Variants in KREMEN1 observed in about 807,000 individuals in gnomAD.
KREMEN1 encodes the protein kremen protein 1.
A neutral mutation model predicts 46.5 loss-of-function variants in KREMEN1; 30 were observed. The observed-to-expected ratio is 0.65, with a 90% CI of 0.48 to 0.88. The LOEUF (loss-of-function observed/expected upper bound fraction) is 0.88, where lower values mean the gene tolerates loss of function less well. Ranked by LOEUF, KREMEN1 falls within the 40% of genes least tolerant of loss-of-function variation. KREMEN1 has a pLI of 0.00. For synonymous variants in KREMEN1, 214 were observed against 230.6 expected (o/e 0.93, Z 0.65); for missense variants, 533 against 596.9 (o/e 0.89, Z 1.11).
At chr22:29,123,388 G>A (rs934095380) in intron 4 of KREMEN1, among the ~76,000 whole-genome samples, 1 of 148,004 alleles carries the variant, frequency 6.8e-6, no homozygotes, top group Admixed American at 6.7e-5. Flanking sequence ...TAAAAAAACT[G>A]AACAAAGCAA....
intron 7 of KREMEN1, 175 bp downstream of exon 7, chr22:29,138,957 T>A: frequency 1.1e-6 from 1 of 933,232 alleles, no homozygotes. Context: ...TCTTATTAGC[T>A]TGGTTCCTTA....
At chr22:29,116,813 C>G (rs558697545) in intron 3 of KREMEN1, among the ~76,000 whole-genome samples, 3 of 152,312 alleles carry the variant, frequency 2.0e-5, no homozygotes, top group Admixed American at 2.0e-4. Context: ...ATCATATGCT[C>G]TTGACCAGAG....
At chr22:29,113,022 T>C (rs1448435210) in intron 3 of KREMEN1, among the ~76,000 whole-genome samples, 1 of 152,210 alleles carries the variant, frequency 6.6e-6, no homozygotes, top group African/African-American at 2.4e-5. Flanking sequence ...GTTGAGGGAC[T>C]AATGTGTTTG....
At chr22:29,133,840 T>C (rs1264667232) in intron 5 of KREMEN1, among the ~76,000 whole-genome samples, 3 of 152,236 alleles carry the variant, frequency 2.0e-5, no homozygotes, top group East Asian at 1.9e-4. Context: ...ATTACACGTA[T>C]GTTAGACTAT....
intron 5 of KREMEN1, among the ~76,000 whole-genome samples, chr22:29,135,659 G>A (rs149401453): frequency 3.2e-4 from 48 of 152,298 alleles, no homozygotes; most frequent in East Asian, 1.9e-3. Context: ...CAAAATGCCC[G>A]TTGTGTCTGG....
chr22:29,138,716 GCCCGGT>G lies in KREMEN1; in HGVS notation c.1060_1065del (p.Arg354_Ser355del). ...GCAGGCCAACCTCAGTGTCAGCGCT[GCCCGGT>G]CCTCCAAAGTCCTCTATGTCATCAC... On this transcript the variant is annotated inframe_deletion, in exon 7 of 9. Transcript: ENST00000400335. 6.2e-7 allele frequency: 1 copy of G among 1,614,216 alleles called. No individual in the cohort carries two copies.
chr22:29,151,416 A>G (rs1396936977), downstream of KREMEN1, among the ~76,000 whole-genome samples: 1 of 152,198 alleles, frequency 6.6e-6, no homozygotes, highest in Non-Finnish European at 1.5e-5. Flanking sequence ...AATACTAAAC[A>G]TTTTAGACTT....
chr22:29,167,222 G>A lies in KREMEN1; in HGVS notation c.*116G>A. 5 of 861,340 alleles carry A rather than the reference G, an allele frequency of 5.8e-6. No individual in the cohort carries two copies. In the South Asian group the frequency reaches 7.4e-5, roughly 13 times the overall value. The allele number at this position is 861,340 out of a possible 1,614,324, so 53.4% of individuals were successfully genotyped here. On this transcript the variant is annotated 3_prime_UTR_variant, in exon 10 of 10. Transcript: ENST00000327813. Reference sequence around the variant, plus strand: ...TGGTGGGCTCTCTCTGGCCCAGCGTGGTGGTTCATGCCTGTAATACCAGCG... The same window carrying A: ...TGGTGGGCTCTCTCTGGCCCAGCGTAGTGGTTCATGCCTGTAATACCAGCG...
At chr22:29,098,185 CAAA>C (rs11366831) in intron 2 of KREMEN1, among the ~76,000 whole-genome samples, 3 of 134,244 alleles carry the variant, frequency 2.2e-5, no homozygotes, top group Non-Finnish European at 4.9e-5. Context: ...GAGTTTGTCT[CAAA>C]AAAAAAAAAG....
chr22:29,140,453 T>G, intron 8 of KREMEN1, 87 bp downstream of exon 8: 1 of 998,494 alleles, frequency 1.0e-6, no homozygotes, highest in Non-Finnish European at 1.6e-6. Context: ...TGGTTACAAC[T>G]GTAGAATAAG....
chr22:29,146,134 G>A lies in KREMEN1; in HGVS notation c.*4022G>A, dbSNP rs193134750. On this transcript the variant is annotated 3_prime_UTR_variant, in exon 9 of 9. Transcript: ENST00000400335. ...CACACCCCACCACCTGGCACCGTTA[G>A]GTTTCAGATCTCCCGTGTGGTGTTT... is the stretch of plus-strand genomic sequence containing the variant. 3.0e-6 allele frequency: 3 copies of A among 985,930 alleles called. No individual in the cohort carries two copies. In the Admixed American group the frequency reaches 1.8e-4, roughly 61 times the overall value. 61.1% of individuals were successfully genotyped at this position (985,930 alleles called of 1,614,324 possible).
intron 3 of KREMEN1, 43 bp downstream of exon 3, chr22:29,098,996 A>G (rs1465378714): frequency 6.9e-7 from 1 of 1,442,772 alleles, no homozygotes; most frequent in Admixed American, 1.7e-5. Context: ...AGGACTGTGA[A>G]CACTAAGAGT....
At chr22:29,082,361 T>A (rs1223075305) in intron 1 of KREMEN1, among the ~76,000 whole-genome samples, 1 of 152,170 alleles carries the variant, frequency 6.6e-6, no homozygotes, top group Non-Finnish European at 1.5e-5. Flanking sequence ...CCAGCCCCCA[T>A]CCATTTCCTT....
At chr22:29,163,641 T>C (rs962120340) in intron 9 of KREMEN1, among the ~76,000 whole-genome samples, 1 of 151,092 alleles carries the variant, frequency 6.6e-6, no homozygotes, top group African/African-American at 2.4e-5. Context: ...CCTCCCGAAG[T>C]GCTGGGATTA....
At chr22:29,106,078 G>A (rs2038054716) in intron 3 of KREMEN1, among the ~76,000 whole-genome samples, 3 of 152,342 alleles carry the variant, frequency 2.0e-5, no homozygotes, top group Middle Eastern at 3.4e-3. Flanking sequence ...GGCAGTGGTG[G>A]TCAAGGCAGT....
intron 1 of KREMEN1, among the ~76,000 whole-genome samples, chr22:29,088,737 C>G (rs2037766448): frequency 6.6e-6 from 1 of 152,154 alleles, no homozygotes; most frequent in South Asian, 2.1e-4. Context: ...TGAATACCTA[C>G]TATGTACCGA....
chr22:29,144,928 T>C lies in KREMEN1; in HGVS notation c.*2816T>C. On this transcript the variant is annotated 3_prime_UTR_variant, in exon 9 of 9. Coordinates refer to ENST00000400335, the MANE Select transcript of KREMEN1 (RefSeq NM_001039570.3). The stretch of plus-strand genomic sequence containing the variant: ...ATGCCCCAGCGCTTCTCTTCCTGCC[T>C]CGCCCTGGCATGGCCCAGCGCCTCT... 1.0e-6 allele frequency: 1 copy of C among 985,522 alleles called. No individual in the cohort carries two copies. Among genetic ancestry groups the C allele is most frequent in the Non-Finnish European group, 1.2e-6 (1 of 830,006 alleles). 61.0% of individuals were successfully genotyped at this position (985,522 alleles called of 1,614,324 possible).
At chr22:29,167,770 CTT>C (rs1195792547) in exon 10 of KREMEN1, 1 of 152,272 alleles carries the variant, frequency 6.6e-6, no homozygotes, top group East Asian at 1.9e-4. Flanking sequence ...GCGTCTGTGT[CTT>C]TGTGCCTGTA....
chr22:29,108,903 C>T (rs775932802), intron 3 of KREMEN1, among the ~76,000 whole-genome samples: 1 of 152,194 alleles, frequency 6.6e-6, no homozygotes, highest in East Asian at 1.9e-4. Context: ...GATCCTCCCA[C>T]CTCAGTGTCC....
Sources: gnomAD v4.1 joint callset for allele counts (sites outside exome capture counted in the v4.1 genomes callset) on GRCh38, gnomAD v4.1.1 for gene constraint, MANE v1.5 for transcripts, NCBI Gene and HGNC (gene_info 2026-07-23, HGNC 2026-07-21) for gene names.